TICAM2: variants seen among roughly 807,000 people sequenced by gnomAD.
TICAM2 encodes TIR domain containing adaptor molecule 2.
In TICAM2, 8 loss-of-function variants were observed where a neutral mutation model predicts 7.3. The observed-to-expected ratio is 1.10, with a 90% CI of 0.65 to 1.99. The LOEUF is 1.99. Among genes scored for constraint, TICAM2 ranks in the 30% most tolerant of loss-of-function variants. The pLI is 0.00. For synonymous variants in TICAM2, 113 were observed against 99.6 expected (o/e 1.13, Z -0.80); for missense variants, 304 against 278.8 (o/e 1.09, Z -0.65).
intron 1 of TICAM2, among the ~76,000 whole-genome samples, chr5:115,584,130 T>C (rs534429889): frequency 3.3e-5 from 5 of 152,346 alleles, no homozygotes; most frequent in South Asian, 2.1e-4. Flanking sequence ...ATCTTTCCAC[T>C]GTTTCTCTAT....
At position 115,580,498 on chromosome 5, in the gene TICAM2, T is replaced by C. The variant is rs1380815180; in HGVS notation, c.*51A>G. 3.3e-6 allele frequency: 5 copies of C among 1,497,248 alleles called. No homozygotes were observed. Among genetic ancestry groups the C allele is most frequent in the South Asian group, 1.4e-5 (1 of 72,480 alleles). 92.7% of individuals were successfully genotyped at this position (1,497,248 alleles called of 1,614,324 possible). A position where few individuals can be genotyped will look rare whatever the true frequency, so the allele number is the denominator to read the frequency against. ...AGAAACTGCTTTCTCAAGTGAAGAT[T>C]AATCATTTGGTTTACAAAACAAGAG... On this transcript the variant is annotated 3_prime_UTR_variant, in exon 2 of 2. Transcript: ENST00000427199.
intron 1 of TICAM2, among the ~76,000 whole-genome samples, chr5:115,598,602 G>C (rs1378487954): frequency 6.6e-6 from 1 of 152,132 alleles, no homozygotes; most frequent in Non-Finnish European, 1.5e-5. Flanking sequence ...CTTATGGCAA[G>C]TGTTTTGATA....
At chr5:115,583,967 G>A (rs138543037) in intron 1 of TICAM2, among the ~76,000 whole-genome samples, 162 of 152,222 alleles carry the variant, frequency 1.1e-3, no homozygotes, top group African/African-American at 3.5e-3. Flanking sequence ...CTTGGGAGAC[G>A]CATGTGAGAC....
chr5:115,583,649 CACT>C (rs1755007481), intron 1 of TICAM2, among the ~76,000 whole-genome samples: 1 of 152,144 alleles, frequency 6.6e-6, no homozygotes, highest in Admixed American at 6.5e-5. Context: ...TTCCCACCAC[CACT>C]GTGACTCAGA....
At chr5:115,591,396 G>C (rs415577) in intron 1 of TICAM2, among the ~76,000 whole-genome samples, 95,536 of 152,054 alleles carry the variant, frequency 0.63, 31,190 homozygotes, top group African/African-American at 0.83. Context: ...CAGATTGTTA[G>C]TGCTGCCAGG....
intron 1 of TICAM2, among the ~76,000 whole-genome samples, chr5:115,599,608 C>T (rs1561579748): frequency 6.6e-6 from 1 of 152,154 alleles, no homozygotes; most frequent in African/African-American, 2.4e-5. Context: ...CGCACAGGCC[C>T]AGCAGCAAAA....
chr5:115,580,995 C>A lies in TICAM2; in HGVS notation c.262G>T (p.Asp88Tyr), dbSNP rs1754901012. 1.2e-6 allele frequency: 2 copies of A among 1,613,900 alleles called. No individual in the cohort carries two copies. Among genetic ancestry groups the A allele is most frequent in the African/African-American group, 2.7e-5 (2 of 74,940 alleles). Reference protein sequence around the residue: ...FLKFVILHAEDDTDEALRVQN... With the variant: ...FLKFVILHAEYDTDEALRVQN... Reference sequence around the variant, plus strand: ...ACTCTGAGGGCTTCATCTGTGTCATCTTCTGCATGCAATATCACAAATTTG... The same window carrying A: ...ACTCTGAGGGCTTCATCTGTGTCATATTCTGCATGCAATATCACAAATTTG... The change falls in exon 2 of 2, where the codon GAT becomes TAT. Residue 88 changes from aspartate (D) to tyrosine (Y), a missense_variant. Asp to Tyr is a radical substitution (Grantham distance 160, BLOSUM62 -3). Coordinates refer to ENST00000427199, the MANE Select transcript of TICAM2 (RefSeq NM_021649.7).
At chr5:115,597,427 C>A (rs1282462182) in intron 1 of TICAM2, among the ~76,000 whole-genome samples, 1 of 151,888 alleles carries the variant, frequency 6.6e-6, no homozygotes, top group Non-Finnish European at 1.5e-5. Flanking sequence ...TAAAAATATC[C>A]AAAAACTGGG....
chr5:115,594,825 G>A (rs1755446428), intron 1 of TICAM2, among the ~76,000 whole-genome samples: 1 of 152,182 alleles, frequency 6.6e-6, no homozygotes, highest in Non-Finnish European at 1.5e-5. Flanking sequence ...AGCCTGGGAG[G>A]AGGACTGACT....
chr5:115,593,249 G>A (rs180830612), intron 1 of TICAM2, among the ~76,000 whole-genome samples: 7 of 151,884 alleles, frequency 4.6e-5, no homozygotes, highest in Non-Finnish European at 8.8e-5. Context: ...TTAGCAAACT[G>A]GAAATAAAAG....
At chr5:115,587,041 A>T (rs1345576340) in intron 1 of TICAM2, among the ~76,000 whole-genome samples, 2 of 152,234 alleles carry the variant, frequency 1.3e-5, no homozygotes, top group Non-Finnish European at 2.9e-5. Flanking sequence ...CCAGAGGGCA[A>T]AGACTGTATG....
chr5:115,579,264 C>CT lies in TICAM2; in HGVS notation c.*1284dup, dbSNP rs1427848883. ...GAATCCAAACTTTTTTGCTTGTTCCCTTTTGTGGTCCCTAGTTTTTCACAT... is the reference window on the plus strand; with the variant it reads ...GAATCCAAACTTTTTTGCTTGTTCCCTTTTTGTGGTCCCTAGTTTTTCACAT... On this transcript the variant is annotated 3_prime_UTR_variant, in exon 2 of 2. Transcript: ENST00000427199. 1 of 152,514 alleles carries CT rather than the reference C, an allele frequency of 6.6e-6. No individual in the cohort carries two copies. The highest frequency in any genetic ancestry group is 1.5e-5 in the Non-Finnish European group (1 of 68,008). The allele number at this position is 152,514 out of a possible 1,614,324, so 9.4% of individuals were successfully genotyped here.
At position 115,580,582 on chromosome 5, in the gene TICAM2, T is replaced by C; in HGVS notation, c.675A>G (p.Thr225=). The C allele has an allele frequency of 1.2e-6, 2 of 1,600,358 alleles. No individual in the cohort carries two copies. Among genetic ancestry groups the C allele is most frequent in the Non-Finnish European group, 1.7e-6 (2 of 1,175,974 alleles). ...YKTQQTIWKE[T]RNMVQRQFIA Reference sequence around the variant, plus strand: ...TAAATTGTCTTTGTACCATATTTCTTGTCTCTTTCCATATAGTTTGTTGTG... The same window carrying C: ...TAAATTGTCTTTGTACCATATTTCTCGTCTCTTTCCATATAGTTTGTTGTG... Residue 225 remains threonine (T), a synonymous_variant, in exon 2 of 2, where the codon ACA becomes ACG. Coordinates refer to ENST00000427199, the MANE Select transcript of TICAM2 (RefSeq NM_021649.7).
rs2127188574 is a variant in TICAM2 at position 115,579,108 on chromosome 5, G to C, written c.*1441C>G. On this transcript the variant is annotated 3_prime_UTR_variant, in exon 2 of 2. Transcript: ENST00000427199. ...TTTTTAAGAAAGCCTGAGTAAGCATGTATATTTTTTTCCTGTGACTTTAAG... is the reference window on the plus strand; with the variant it reads ...TTTTTAAGAAAGCCTGAGTAAGCATCTATATTTTTTTCCTGTGACTTTAAG... 1 of 152,676 alleles carries C rather than the reference G, an allele frequency of 6.5e-6. No individual in the cohort carries two copies. The highest frequency in any genetic ancestry group is 3.4e-3 in the Middle Eastern group (1 of 294). The allele number at this position is 152,676 out of a possible 1,614,324, so 9.5% of individuals were successfully genotyped here.
chr5:115,600,576 A>G (rs948167017), intron 1 of TICAM2, among the ~76,000 whole-genome samples: 5 of 152,216 alleles, frequency 3.3e-5, no homozygotes, highest in Non-Finnish European at 5.9e-5. Context: ...AGAAGAAAGA[A>G]TATTAGTGAA....
chr5:115,590,173 C>T (rs1755249988), intron 1 of TICAM2, among the ~76,000 whole-genome samples: 1 of 151,944 alleles, frequency 6.6e-6, no homozygotes, highest in Non-Finnish European at 1.5e-5. Flanking sequence ...CAAAGCAAGA[C>T]CCCATGACTA....
chr5:115,597,712 T>C (rs1755562847), intron 1 of TICAM2, among the ~76,000 whole-genome samples: 1 of 152,050 alleles, frequency 6.6e-6, no homozygotes, highest in African/African-American at 2.4e-5. Flanking sequence ...ATTCCAGGGG[T>C]TCCAGGACCC....
intron 1 of TICAM2, among the ~76,000 whole-genome samples, chr5:115,598,517 T>C (rs1239660473): frequency 6.6e-6 from 1 of 152,186 alleles, no homozygotes. Context: ...TGCTTTTTCA[T>C]CTTGTGGACC....
intron 1 of TICAM2, among the ~76,000 whole-genome samples, chr5:115,595,748 C>T (rs1488899198): frequency 1.3e-5 from 2 of 152,194 alleles, no homozygotes; most frequent in Non-Finnish European, 2.9e-5. Context: ...CTAATATCCA[C>T]CTATTTACGG....
Sources: allele counts gnomAD v4.1 joint callset (sites outside exome capture counted in the v4.1 genomes callset), GRCh38; gene constraint gnomAD v4.1.1; transcripts MANE v1.5; gene names NCBI Gene and HGNC (gene_info 2026-07-23, HGNC 2026-07-21).